Variants in PVR observed in about 807,000 individuals in gnomAD.
PVR encodes poliovirus receptor.
In PVR, 39 loss-of-function variants were observed where a neutral mutation model predicts 43.3. That is an observed-to-expected ratio of 0.90 (90% CI 0.70 to 1.18). PVR has a LOEUF of 1.18. Ranked by LOEUF, PVR falls within the 50% of genes most tolerant of loss-of-function variation. The pLI is 0.00. For missense variants in PVR, 480 were observed against 549.7 expected (o/e 0.87, Z 1.27); for synonymous variants, 224 against 233.2 (o/e 0.96, Z 0.36).
At chr19:44,651,119 C>T (rs1442004718) in intron 3 of PVR, among the ~76,000 whole-genome samples, 5 of 152,224 alleles carry the variant, frequency 3.3e-5, no homozygotes, top group Non-Finnish European at 7.3e-5. Flanking sequence ...CCTCCCGCCT[C>T]AGTCTCCCGA....
intron 6 of PVR, 153 bp downstream of exon 6, chr19:44,659,053 G>A (rs537683327): frequency 7.9e-6 from 5 of 633,120 alleles, no homozygotes; most frequent in African/African-American, 7.4e-5. Flanking sequence ...CTTGTTCACT[G>A]GTTCATTGAT....
At chr19:44,654,152 A>G (rs1356712783) in intron 4 of PVR, 135 bp downstream of exon 4, 3 of 616,936 alleles carry the variant, frequency 4.9e-6, no homozygotes, top group Non-Finnish European at 8.3e-6. Flanking sequence ...CTGAGGGACG[A>G]GAGGCTGGGA....
chr19:44,655,702 AAAATCATAG>A (rs1973424884), intron 4 of PVR, among the ~76,000 whole-genome samples: 1 of 152,168 alleles, frequency 6.6e-6, no homozygotes, highest in East Asian at 1.9e-4. Flanking sequence ...AACATACAGA[AAAATCATAG>A]GAATTTTCCA....
intron 6 of PVR, 73 bp from the exon 7 acceptor site, chr19:44,661,219 C>T: frequency 9.7e-6 from 14 of 1,439,514 alleles, no homozygotes; most frequent in Non-Finnish European, 1.4e-5. Flanking sequence ...AGGGCCCTGA[C>T]ACCCAGGCAT....
intron 4 of PVR, among the ~76,000 whole-genome samples, chr19:44,655,114 G>A (rs959822655): frequency 1.3e-5 from 2 of 151,972 alleles, no homozygotes; most frequent in African/African-American, 4.8e-5. Context: ...TTAAAGAAGG[G>A]GCTCTGTTGC....
At position 44,663,819 on chromosome 19, in the gene PVR, A is replaced by G. The variant is rs1973644928; in HGVS notation, c.*2008A>G. Among the ~76,000 whole-genome samples the G allele has an allele frequency of 6.6e-6, 1 of 152,054 alleles. No homozygotes were observed. Among genetic ancestry groups the G allele is most frequent in the African/African-American group, 2.4e-5 (1 of 41,386 alleles). On this transcript the variant is annotated 3_prime_UTR_variant, in exon 8 of 8. Coordinates refer to ENST00000425690, the MANE Select transcript of PVR (RefSeq NM_006505.5). Reference sequence around the variant, plus strand: ...ACCCAGGCTGGAGTGCAATGGCACGATCATAGCTCATTGCAGCCTCTAACT... The same window carrying G: ...ACCCAGGCTGGAGTGCAATGGCACGGTCATAGCTCATTGCAGCCTCTAACT...
In PVR at chr19:44,661,803, AC is replaced by A; in HGVS notation, c.1247del (p.Thr416LysfsTer30). The part of the protein sequence containing the change: ...SSSQDPQTEG[T>X]R ...TTCCCAGGATCCACAGACAGAGGGC[AC>A]AAGGTGACAGCGTCGGGACTGAGAG... On this transcript the variant is annotated frameshift_variant, in exon 8 of 8. Coordinates refer to ENST00000425690, the MANE Select transcript of PVR (RefSeq NM_006505.5). LOFTEE classifies it high-confidence loss of function. 8 of 1,613,954 alleles carry A rather than the reference AC, an allele frequency of 5.0e-6. No homozygotes were observed. The highest frequency in any genetic ancestry group is 6.8e-6 in the Non-Finnish European group (8 of 1,179,940).
At chr19:44,650,858 C>T (rs539762471) in intron 3 of PVR, among the ~76,000 whole-genome samples, 1 of 152,050 alleles carries the variant, frequency 6.6e-6, no homozygotes, top group East Asian at 1.9e-4. Context: ...AGCCACTGTG[C>T]CCGGCTTTTT....
intron 4 of PVR, among the ~76,000 whole-genome samples, chr19:44,656,397 A>G (rs900770002): frequency 6.6e-6 from 1 of 152,170 alleles, no homozygotes; most frequent in African/African-American, 2.4e-5. Context: ...AAGCACCGCA[A>G]TTCAGGCTCT....
intron 4 of PVR, 24 bp from the exon 5 acceptor site, chr19:44,657,738 T>A: frequency 6.2e-7 from 1 of 1,613,546 alleles, no homozygotes; most frequent in South Asian, 1.1e-5. Flanking sequence ...AGAGGCCACC[T>A]CCTCACCTTT....
Position 44,661,990 on chromosome 19 carries a change from T to A in PVR, c.*179T>A. The A allele has an allele frequency of 1.7e-6, 1 of 600,994 alleles. No homozygotes were observed. Among genetic ancestry groups the A allele is most frequent in the South Asian group, 2.0e-5 (1 of 50,320 alleles). 37.2% of individuals were successfully genotyped at this position (600,994 alleles called of 1,614,324 possible). On this transcript the variant is annotated 3_prime_UTR_variant, in exon 8 of 8. Transcript: ENST00000425690. Reference sequence around the variant, plus strand: ...ATAGGTCTCCAAGACCACCCTCCTTTCATTTGCTAGAAGGACTCACTAGAC... The same window carrying A: ...ATAGGTCTCCAAGACCACCCTCCTTACATTTGCTAGAAGGACTCACTAGAC...
chr19:44,652,889 T>C (rs1004634731), intron 3 of PVR, among the ~76,000 whole-genome samples: 3 of 152,350 alleles, frequency 2.0e-5, no homozygotes, highest in African/African-American at 4.8e-5. Context: ...AATTGTTTTT[T>C]TAAAATTATT....
In PVR at chr19:44,658,773, C is replaced by T. The variant is rs1167905094; in HGVS notation, c.1023C>T (p.Ser341=). The change falls in exon 6 of 8, where the codon TCC becomes TCT. Residue 341 remains serine, a synonymous_variant. Transcript: ENST00000425690. ...EGPPSEHSGM[S]RNAIIFLVLG... ...CTCCCAGTGAGCACTCAGGCATGTCCCGTAACGCCATCATCTTCCTGGTTC... is the reference window on the plus strand; with the variant it reads ...CTCCCAGTGAGCACTCAGGCATGTCTCGTAACGCCATCATCTTCCTGGTTC... 1 of 1,611,746 alleles carries T rather than the reference C, an allele frequency of 6.2e-7. No homozygotes were observed. Among genetic ancestry groups the T allele is most frequent in the East Asian group, 2.2e-5 (1 of 44,882 alleles).
At chr19:44,647,084 C>A in intron 1 of PVR, 139 bp from the exon 2 acceptor site, 4 of 354,562 alleles carry the variant, frequency 1.1e-5, no homozygotes, top group East Asian at 5.3e-5. Flanking sequence ...AGTTCCCCCT[C>A]CCCCCACACC....
intron 3 of PVR, among the ~76,000 whole-genome samples, chr19:44,651,757 C>A (rs190829075): frequency 2.0e-5 from 3 of 152,364 alleles, no homozygotes; most frequent in East Asian, 3.9e-4. Context: ...ACACATTTAT[C>A]TCCACTGACA....
Position 44,664,219 on chromosome 19 carries a change from T to C in PVR, c.*2408T>C, listed in dbSNP as rs1034582933. ...TTATTTATTTGTTTATTTATTTATT[T>C]ATTTTAGAAATAAGAGTCTCACTTT... On this transcript the variant is annotated 3_prime_UTR_variant, in exon 8 of 8. Transcript: ENST00000425690. 6.6e-6 allele frequency: 1 copy of C among 151,986 alleles called. No homozygotes were observed. Among genetic ancestry groups the C allele is most frequent in the East Asian group, 1.9e-4 (1 of 5,180 alleles). The allele number at this position is 151,986 out of a possible 1,614,324, so 9.4% of individuals were successfully genotyped here.
intron 3 of PVR, 116 bp downstream of exon 3, chr19:44,650,221 C>G: frequency 9.6e-7 from 1 of 1,037,090 alleles, no homozygotes; most frequent in Non-Finnish European, 1.3e-6. Context: ...ACCGGCTCCC[C>G]TGACTCCTGT....
At chr19:44,661,399 GC>G in intron 7 of PVR, 76 bp downstream of exon 7, 1 of 1,494,466 alleles carries the variant, frequency 6.7e-7, no homozygotes, top group South Asian at 1.1e-5. Flanking sequence ...GATGCCCACG[GC>G]CCGGCCTCAG....
chr19:44,655,179 G>A (rs1973407460), intron 4 of PVR, among the ~76,000 whole-genome samples: 1 of 152,034 alleles, frequency 6.6e-6, no homozygotes, highest in South Asian at 2.1e-4. Context: ...GACCTCCCTG[G>A]GCTCAGGTGA....
Sources: allele counts gnomAD v4.1 joint callset (sites outside exome capture counted in the v4.1 genomes callset), GRCh38; gene constraint gnomAD v4.1.1; transcripts MANE v1.5; gene names NCBI Gene and HGNC (gene_info 2026-07-23, HGNC 2026-07-21).